DGKB: variants seen among roughly 807,000 people sequenced by gnomAD.
DGKB encodes the protein 90 kDa diacylglycerol kinase.
A neutral mutation model predicts 114.3 loss-of-function variants in DGKB; 67 were observed. That is an observed-to-expected ratio of 0.59 (90% confidence interval 0.48 to 0.72). The LOEUF (loss-of-function observed/expected upper bound fraction) is 0.72. DGKB is among the 30% of genes least tolerant of loss of function. The probability of loss-of-function intolerance (pLI) is 0.00; values close to 1 mark genes in which losing one functional copy is unlikely to be tolerated. For missense variants in DGKB, 907 were observed against 975.2 expected (o/e 0.93, Z 0.93); for synonymous variants, 398 against 323.1 (o/e 1.23, Z -2.49).
At chr7:14,781,317 G>A (rs1441475821) in intron 2 of DGKB, among the ~76,000 whole-genome samples, 1 of 151,914 alleles carries the variant, frequency 6.6e-6, no homozygotes, top group Non-Finnish European at 1.5e-5. Flanking sequence ...TCACATTCTG[G>A]GTCCTCCATA....
At chr7:14,411,236 G>A (rs1824828821) in intron 21 of DGKB, among the ~76,000 whole-genome samples, 1 of 152,146 alleles carries the variant, frequency 6.6e-6, no homozygotes, top group Non-Finnish European at 1.5e-5. Flanking sequence ...TCTAAGTTAG[G>A]CTAGACTAAC....
chr7:14,345,750 G>A (rs1225990901), intron 21 of DGKB, among the ~76,000 whole-genome samples: 2 of 151,572 alleles, frequency 1.3e-5, no homozygotes, highest in Admixed American at 6.6e-5. Context: ...AAGTTTTTTA[G>A]TTCTTTCAAG....
intron 13 of DGKB, among the ~76,000 whole-genome samples, chr7:14,661,584 G>A (rs1335802091): frequency 2.0e-5 from 3 of 152,074 alleles, no homozygotes; most frequent in Admixed American, 6.6e-5. Context: ...TGGAGAAATA[G>A]GAACACTTTT....
intron 21 of DGKB, among the ~76,000 whole-genome samples, chr7:14,406,459 G>C (rs76752569): frequency 0.018 from 2,796 of 152,070 alleles, 77 homozygotes; most frequent in African/African-American, 0.059. Context: ...ATAAAGAAAT[G>C]AAGATATTAG....
At chr7:14,601,262 G>A (rs1331878371) in intron 17 of DGKB, among the ~76,000 whole-genome samples, 1 of 152,148 alleles carries the variant, frequency 6.6e-6, no homozygotes. Context: ...GCAGCTCTGG[G>A]AAGTGAGCCC....
intron 23 of DGKB, among the ~76,000 whole-genome samples, chr7:14,247,854 A>C (rs1408560416): frequency 6.6e-6 from 1 of 152,086 alleles, no homozygotes; most frequent in African/African-American, 2.4e-5. Context: ...AGTTTGATGC[A>C]ATATCACTTG....
At chr7:14,500,787 G>C (rs2128953723) in intron 20 of DGKB, among the ~76,000 whole-genome samples, 1 of 151,834 alleles carries the variant, frequency 6.6e-6, no homozygotes, top group East Asian at 1.9e-4. Flanking sequence ...AGTGAGAAAA[G>C]TGTTATCGAG....
intron 13 of DGKB, among the ~76,000 whole-genome samples, chr7:14,639,321 A>G (rs1434534181): frequency 6.6e-6 from 1 of 152,238 alleles, no homozygotes; most frequent in Non-Finnish European, 1.5e-5. Context: ...GTGGAAATGC[A>G]CTGGATGAGT....
intron 4 of DGKB, among the ~76,000 whole-genome samples, chr7:14,741,932 T>C (rs1027379969): frequency 6.6e-6 from 1 of 152,260 alleles, no homozygotes; most frequent in African/African-American, 2.4e-5. Flanking sequence ...AAGACCTTTA[T>C]GTTTTTTTCT....
chr7:14,623,777 G>A (rs968725775), intron 14 of DGKB, among the ~76,000 whole-genome samples: 1 of 152,094 alleles, frequency 6.6e-6, no homozygotes, highest in Non-Finnish European at 1.5e-5. Flanking sequence ...TTCTTTTTAA[G>A]TTTGCAAATT....
chr7:14,253,101 C>G (rs1266828948), intron 23 of DGKB, among the ~76,000 whole-genome samples: 1 of 151,538 alleles, frequency 6.6e-6, no homozygotes, highest in Non-Finnish European at 1.5e-5. Flanking sequence ...GTGGTGCAAT[C>G]TTGGCTCACT....
At chr7:14,769,131 GAGAGAA>G (rs1562487822) in intron 2 of DGKB, among the ~76,000 whole-genome samples, 24 of 125,854 alleles carry the variant, frequency 1.9e-4, no homozygotes, top group Non-Finnish European at 3.2e-4. Context: ...GAAAGAGAGA[GAGAGAA>G]AGAAAGAAAG....
intron 2 of DGKB, among the ~76,000 whole-genome samples, chr7:14,770,089 C>G (rs193299372): frequency 6.6e-6 from 1 of 152,130 alleles, no homozygotes; most frequent in Non-Finnish European, 1.5e-5. Context: ...TTCAAACAAA[C>G]CTTCTCTGAT....
chr7:14,428,442 G>C, intron 21 of DGKB, among the ~76,000 whole-genome samples: 1 of 152,174 alleles, frequency 6.6e-6, no homozygotes, highest in African/African-American at 2.4e-5. Flanking sequence ...GAGGTTGTTT[G>C]GGGGTATGAG....
chr7:14,440,150 G>A (rs1829881131), intron 21 of DGKB, among the ~76,000 whole-genome samples: 1 of 152,080 alleles, frequency 6.6e-6, no homozygotes, highest in South Asian at 2.1e-4. Context: ...GGGAGGAGGA[G>A]GTAACGATTG....
intron 12 of DGKB, among the ~76,000 whole-genome samples, chr7:14,676,871 T>A (rs1447180628): frequency 6.6e-6 from 1 of 151,982 alleles, no homozygotes; most frequent in Non-Finnish European, 1.5e-5. Context: ...ATTTAAAATT[T>A]AAAAAAACAT....
At chr7:14,776,850 A>T (rs931466381) in intron 2 of DGKB, among the ~76,000 whole-genome samples, 5 of 152,072 alleles carry the variant, frequency 3.3e-5, no homozygotes, top group Admixed American at 6.6e-5. Flanking sequence ...CATCCTCCAG[A>T]CCCCAGAATG....
intron 1 of DGKB, among the ~76,000 whole-genome samples, chr7:14,901,600 T>C (rs187932534): frequency 0.012 from 1,642 of 138,366 alleles, 38 homozygotes; most frequent in African/African-American, 0.041. Context: ...GTTTGAGGGA[T>C]TTCCACCCCC....
At chr7:14,335,824 G>A (rs1338724120) in intron 23 of DGKB, among the ~76,000 whole-genome samples, 1 of 152,106 alleles carries the variant, frequency 6.6e-6, no homozygotes, top group African/African-American at 2.4e-5. Context: ...CGCAATCATA[G>A]CTCACTGTAG....
Sources: gnomAD v4.1 joint callset for allele counts (sites outside exome capture counted in the v4.1 genomes callset) on GRCh38, gnomAD v4.1.1 for gene constraint, MANE v1.5 for transcripts, NCBI Gene and HGNC (gene_info 2026-07-23, HGNC 2026-07-21) for gene names.